Variants in KLC1 observed in about 807,000 individuals in gnomAD.
KLC1 encodes the protein kinesin 2 60/70kDa.
Under a neutral mutation model 84.2 loss-of-function variants are expected in KLC1, and 30 were observed. That is an observed-to-expected ratio of 0.36 (90% CI 0.27 to 0.48). The LOEUF is 0.48. Among genes scored for constraint, KLC1 ranks in the 20% least tolerant of loss-of-function variants. The pLI, the probability that KLC1 is intolerant of heterozygous loss-of-function variation, is 0.99. For synonymous variants in KLC1, 289 were observed against 293.3 expected (o/e 0.99, Z 0.15); for missense variants, 499 against 805.4 (o/e 0.62, Z 4.60).
rs578078834 is a variant in KLC1 at position 103,667,270 on chromosome 14, C to T, written c.798-2241C>T. Among the ~76,000 whole-genome samples the T allele has an allele frequency of 2.0e-5, 3 of 152,182 alleles. No individual in the cohort carries two copies. The East Asian group carries it at 5.8e-4, about 29-fold the overall frequency. ...GGGATTACAGGTGCCTGCCACCACA[C>T]CCAGCTAATTTTTGTATTTTTAGTA... On this transcript the variant is annotated intron_variant, in intron 5 of 16. Transcript: ENST00000334553.
Position 103,698,197 on chromosome 14 carries a change from C to T in KLC1, c.1849-2458C>T, listed in dbSNP as rs118143436. ...TGACACTGGAGGTTGGTGGGATATG[C>T]TTTCTCCACCTTGTACCACACTGAA... On this transcript the variant is annotated intron_variant, in intron 15 of 16. Transcript: ENST00000334553. 157 of 160,660 alleles carry T rather than the reference C, an allele frequency of 9.8e-4. 3 individuals carry two copies. In the East Asian group the frequency reaches 0.021, roughly 21 times the overall value. The allele number at this position is 160,660 out of a possible 1,614,324, so 10.0% of individuals were successfully genotyped here. A position where few individuals can be genotyped will look rare whatever the true frequency, so the allele number is the denominator to read the frequency against.
At chr14:103,646,459 C>T (rs969947333) in intron 1 of KLC1, among the ~76,000 whole-genome samples, 5 of 151,966 alleles carry the variant, frequency 3.3e-5, no homozygotes, top group Admixed American at 2.6e-4. Flanking sequence ...TACTACCATG[C>T]CCATCTAATT....
chr14:103,633,318 A>G (rs995372257), intron 1 of KLC1, among the ~76,000 whole-genome samples: 2 of 151,500 alleles, frequency 1.3e-5, no homozygotes, highest in African/African-American at 4.9e-5. Context: ...TGGCCTCTCA[A>G]AGTGCTGGGA....
At chr14:103,674,965 A>G (rs1352962384) in intron 9 of KLC1, among the ~76,000 whole-genome samples, 1 of 152,130 alleles carries the variant, frequency 6.6e-6, no homozygotes, top group Non-Finnish European at 1.5e-5. Context: ...TGTCGTCCAT[A>G]GACTTTTTCC....
intron 11 of KLC1, 45 bp downstream of exon 11, chr14:103,675,801 G>T: frequency 6.5e-7 from 1 of 1,526,996 alleles, no homozygotes; most frequent in South Asian, 1.1e-5. Context: ...AAAAGCAGGG[G>T]GAAGGTAATT....
rs1298390696 is a variant in KLC1 at position 103,662,764 on chromosome 14, C to T, written c.634C>T (p.Arg212Trp). The change falls in exon 5 of 17, where the codon CGG becomes TGG. Residue 212 changes from arginine to tryptophan, a missense_variant. Arg to Trp is a moderately radical substitution (Grantham distance 101). Coordinates refer to ENST00000334553, the MANE Select transcript of KLC1 (RefSeq NM_001394837.1). ...GCAGGGCGGCTACGAGATCCCCGCGCGGCTGCGGACGCTCCACAACCTGGT... is the reference window on the plus strand; with the variant it reads ...GCAGGGCGGCTACGAGATCCCCGCGTGGCTGCGGACGCTCCACAACCTGGT... The part of the protein sequence containing the change: ...AQQGGYEIPA[R>W]LRTLHNLVIQ... The T allele has an allele frequency of 3.1e-6, 5 of 1,611,476 alleles. No individual in the cohort carries two copies. Among genetic ancestry groups the T allele is most frequent in the Admixed American group, 1.7e-5 (1 of 59,734 alleles).
intron 5 of KLC1, among the ~76,000 whole-genome samples, chr14:103,664,390 G>T (rs569247718): frequency 1.3e-5 from 2 of 152,158 alleles, no homozygotes; most frequent in African/African-American, 4.8e-5. Flanking sequence ...GACCTCAAGT[G>T]ATCCTTCTGT....
intron 1 of KLC1, among the ~76,000 whole-genome samples, chr14:103,647,946 T>C (rs2078080467): frequency 1.3e-5 from 2 of 151,848 alleles, no homozygotes; most frequent in South Asian, 4.2e-4. Flanking sequence ...CCAGGTCTAT[T>C]TGTATTGGGT....
At chr14:103,668,516 C>T (rs1174881266) in intron 5 of KLC1, among the ~76,000 whole-genome samples, 4 of 151,918 alleles carry the variant, frequency 2.6e-5, no homozygotes, top group African/African-American at 4.8e-5. Context: ...CTTGCTCTGT[C>T]ACCCAGGCTT....
At chr14:103,662,314 C>A in intron 4 of KLC1, 120 bp downstream of exon 4, 2 of 834,864 alleles carry the variant, frequency 2.4e-6, no homozygotes, top group Non-Finnish European at 4.1e-6. Context: ...GGAAGCACCA[C>A]CAGAGCGGGG....
In KLC1 at chr14:103,679,293, T is replaced by G. The variant is rs188309464; in HGVS notation, c.1489-91T>G. 1.6e-4 allele frequency: 231 copies of G among 1,467,394 alleles called. No individual in the cohort carries two copies. The African/African-American group carries it at 1.9e-3, about 12-fold the overall frequency. The allele number at this position is 1,467,394 out of a possible 1,614,324, so 90.9% of individuals were successfully genotyped here. A position where few individuals can be genotyped will look rare whatever the true frequency, so the allele number is the denominator to read the frequency against. ...CCCTCCAGTGATTAAGAACTGTTTTTTTTTTTTTTTTCTAGCGAAGTATCT... is the reference window on the plus strand; with the variant it reads ...CCCTCCAGTGATTAAGAACTGTTTTGTTTTTTTTTTTCTAGCGAAGTATCT... On this transcript the variant is annotated intron_variant, in intron 12 of 16. Coordinates refer to ENST00000334553, the MANE Select transcript of KLC1 (RefSeq NM_001394837.1).
rs1247643790 is a variant in KLC1 at position 103,658,750 on chromosome 14, C to T, written c.492+974C>T. Among the ~76,000 whole-genome samples, 5 of 149,208 alleles carry T rather than the reference C, an allele frequency of 3.4e-5. No homozygotes were observed. The South Asian group carries it at 6.4e-4, about 19-fold the overall frequency. Reference sequence around the variant, plus strand: ...TTGGCTCACTGCAACCTCCACCTCCCGGGCTCCAGCGATTCTCCTGCCTCA... The same window carrying T: ...TTGGCTCACTGCAACCTCCACCTCCTGGGCTCCAGCGATTCTCCTGCCTCA... On this transcript the variant is annotated intron_variant, in intron 3 of 16. Transcript: ENST00000334553.
chr14:103,647,376 A>G (rs1326627660), intron 1 of KLC1, among the ~76,000 whole-genome samples: 1 of 151,394 alleles, frequency 6.6e-6, no homozygotes, highest in Non-Finnish European at 1.5e-5. Context: ...GGTGTGTGCC[A>G]CCACACCCAG....
At chr14:103,695,247 T>C (rs1471653818) in intron 15 of KLC1, 1 of 704,876 alleles carries the variant, frequency 1.4e-6, no homozygotes, top group African/African-American at 2.0e-5. Flanking sequence ...GAGGATCACT[T>C]GAGCCCAGTT....
chr14:103,651,607 G>A (rs1399924751), intron 1 of KLC1, among the ~76,000 whole-genome samples: 1 of 152,102 alleles, frequency 6.6e-6, no homozygotes, highest in Non-Finnish European at 1.5e-5. Flanking sequence ...GAAGTGGCAC[G>A]TGTACTTAAC....
At chr14:103,700,839 C>G (rs137878596) in intron 16 of KLC1, 112 bp downstream of exon 16, 40 of 894,634 alleles carry the variant, frequency 4.5e-5, no homozygotes, top group Non-Finnish European at 6.3e-5. Flanking sequence ...CTGCTGCTAG[C>G]TGCCAGGCTG....
At chr14:103,644,740 A>AAAGAG (rs1211974486) in intron 1 of KLC1, among the ~76,000 whole-genome samples, 1 of 152,140 alleles carries the variant, frequency 6.6e-6, no homozygotes, top group East Asian at 1.9e-4. Context: ...CTTAAAAAGA[A>AAAGAG]AAGAGAAGAG....
At chr14:103,669,452 G>GAAAAGAAAAGAA in intron 5 of KLC1, 59 bp from the exon 6 acceptor site, 2 of 1,042,314 alleles carry the variant, frequency 1.9e-6, no homozygotes, top group Non-Finnish European at 2.9e-6. Context: ...GAAAAGAAAA[G>GAAAAGAAAAGAA]AAAAGAAAAG....
intron 15 of KLC1, chr14:103,695,800 AAG>A (rs2151876226): frequency 3.0e-6 from 3 of 985,366 alleles, no homozygotes; most frequent in Non-Finnish European, 3.6e-6. Flanking sequence ...GTGTTGGGGT[AAG>A]AGAAGCCAGG....
Sources: gnomAD v4.1 joint callset for allele counts (sites outside exome capture counted in the v4.1 genomes callset) on GRCh38, gnomAD v4.1.1 for gene constraint, MANE v1.5 for transcripts, NCBI Gene and HGNC (gene_info 2026-07-23, HGNC 2026-07-21) for gene names.